The following DNER variants were observed in gnomAD, a reference collection of about 807,000 sequenced individuals.
DNER encodes delta and Notch-like epidermal growth factor-related receptor.
In DNER, 33 loss-of-function variants were observed where a neutral mutation model predicts 78.2. That is an observed-to-expected ratio of 0.42 (90% CI 0.32 to 0.56). The LOEUF is 0.56. DNER is among the 20% of genes least tolerant of loss of function. The pLI is 0.11. For synonymous variants in DNER, 417 were observed against 384.8 expected (o/e 1.08, Z -0.98); for missense variants, 918 against 975.3 (o/e 0.94, Z 0.78).
chr2:229,488,628 G>A (rs574170065), intron 6 of DNER, among the ~76,000 whole-genome samples: 14 of 152,330 alleles, frequency 9.2e-5, no homozygotes, highest in African/African-American at 2.2e-4. Flanking sequence ...CTAACCCTAC[G>A]TCCCTCTCTT....
chr2:229,447,194 T>G, intron 8 of DNER, 122 bp downstream of exon 8: 1 of 961,758 alleles, frequency 1.0e-6, no homozygotes, highest in Non-Finnish European at 1.5e-6. Context: ...CTTACAAGCA[T>G]ACCAGTAAGT....
At chr2:229,595,985 CTT>C (rs34618390) in intron 1 of DNER, among the ~76,000 whole-genome samples, 4 of 150,178 alleles carry the variant, frequency 2.7e-5, no homozygotes, top group South Asian at 2.1e-4. Context: ...TCTTTCCTTG[CTT>C]TTTTTTTTCT....
At chr2:229,479,974 A>G (rs1695121218) in intron 6 of DNER, among the ~76,000 whole-genome samples, 1 of 152,220 alleles carries the variant, frequency 6.6e-6, no homozygotes, top group South Asian at 2.1e-4. Flanking sequence ...GAAAGATGTC[A>G]GAATTGCGAC....
intron 12 of DNER, among the ~76,000 whole-genome samples, chr2:229,359,291 C>T (rs1195771245): frequency 1.3e-5 from 2 of 152,198 alleles, no homozygotes; most frequent in African/African-American, 4.8e-5. Context: ...GCCATTGTCC[C>T]AACAGATTTG....
intron 1 of DNER, among the ~76,000 whole-genome samples, chr2:229,696,783 G>A (rs1225731000): frequency 5.3e-5 from 8 of 152,126 alleles, no homozygotes; most frequent in African/African-American, 1.4e-4. Flanking sequence ...CTCAGATCAC[G>A]GCTGGAATGG....
chr2:229,397,429 T>C (rs1693170125), intron 10 of DNER, among the ~76,000 whole-genome samples: 1 of 131,976 alleles, frequency 7.6e-6, no homozygotes, highest in African/African-American at 2.8e-5. Flanking sequence ...CAAAAAATTA[T>C]AGCTAATAAC....
intron 1 of DNER, among the ~76,000 whole-genome samples, chr2:229,640,879 C>T (rs919243043): frequency 2.6e-5 from 4 of 152,116 alleles, no homozygotes; most frequent in South Asian, 2.1e-4. Context: ...CACTGAGTTG[C>T]GGTTCGGCTG....
At chr2:229,526,247 A>T (rs1462706934) in intron 5 of DNER, among the ~76,000 whole-genome samples, 1 of 152,240 alleles carries the variant, frequency 6.6e-6, no homozygotes, top group Non-Finnish European at 1.5e-5. Flanking sequence ...AATTCTGAGC[A>T]AGAAAGGAAA....
intron 6 of DNER, among the ~76,000 whole-genome samples, chr2:229,483,818 C>T (rs915416748): frequency 2.0e-5 from 3 of 152,140 alleles, no homozygotes; most frequent in African/African-American, 7.2e-5. Flanking sequence ...GCTTTTTGCC[C>T]TTGTTTATTC....
At chr2:229,457,783 A>G (rs1407432213) in intron 7 of DNER, among the ~76,000 whole-genome samples, 1 of 151,444 alleles carries the variant, frequency 6.6e-6, no homozygotes. Context: ...TTGGAAAAAA[A>G]AAAAAAGATC....
intron 11 of DNER, among the ~76,000 whole-genome samples, chr2:229,375,336 G>C (rs1340596980): frequency 3.9e-5 from 6 of 152,160 alleles, no homozygotes; most frequent in Non-Finnish European, 5.9e-5. Flanking sequence ...CTAAGGCTCA[G>C]AGACCTTGTT....
intron 10 of DNER, among the ~76,000 whole-genome samples, chr2:229,397,658 G>T (rs946148422): frequency 2.6e-5 from 4 of 152,046 alleles, no homozygotes; most frequent in Non-Finnish European, 4.4e-5. Flanking sequence ...ATTTAGGAGA[G>T]TTGAAATCGT....
intron 1 of DNER, among the ~76,000 whole-genome samples, chr2:229,642,121 T>C (rs1316048148): frequency 6.6e-6 from 1 of 152,268 alleles, no homozygotes; most frequent in African/African-American, 2.4e-5. Context: ...TTACCTTATA[T>C]TGAAATACTG....
Position 229,656,606 on chromosome 2 carries a change from T to C in DNER, c.276+57542A>G, listed in dbSNP as rs1372237224. On this transcript the variant is annotated intron_variant, in intron 1 of 12. Coordinates refer to ENST00000341772, the MANE Select transcript of DNER (RefSeq NM_139072.4). ...CTCGAACCTGTTATTCTCGGTACATTTCTTGTCAATAATTAAAATAACTCC... is the reference window on the plus strand; with the variant it reads ...CTCGAACCTGTTATTCTCGGTACATCTCTTGTCAATAATTAAAATAACTCC... Among the ~76,000 whole-genome samples, 3 of 152,206 alleles carry C rather than the reference T, an allele frequency of 2.0e-5. No homozygotes were observed. The East Asian group carries it at 5.8e-4, about 29-fold the overall frequency.
chr2:229,599,788 GAAAT>G (rs1310975003), intron 1 of DNER, among the ~76,000 whole-genome samples: 4 of 152,112 alleles, frequency 2.6e-5, no homozygotes, highest in African/African-American at 9.7e-5. Flanking sequence ...AAAGGGCAAA[GAAAT>G]AAACAAGCAA....
intron 1 of DNER, among the ~76,000 whole-genome samples, chr2:229,657,890 A>G (rs1483077935): frequency 6.6e-6 from 1 of 152,156 alleles, no homozygotes; most frequent in Non-Finnish European, 1.5e-5. Context: ...TTTCAGGGAT[A>G]CCTGCATTTC....
At chr2:229,413,321 C>A (rs13027924) in intron 9 of DNER, among the ~76,000 whole-genome samples, 1 of 67,780 alleles carries the variant, frequency 1.5e-5, no homozygotes, top group African/African-American at 4.9e-5. Flanking sequence ...TTTTCTTCTT[C>A]TTTTTTTTTT....
chr2:229,401,604 T>C (rs1693269056), intron 10 of DNER, among the ~76,000 whole-genome samples: 1 of 152,152 alleles, frequency 6.6e-6, no homozygotes, highest in South Asian at 2.1e-4. Flanking sequence ...TGATTCCATT[T>C]ATGCAATATT....
At chr2:229,598,620 A>T (rs1165958624) in intron 1 of DNER, among the ~76,000 whole-genome samples, 2 of 152,172 alleles carry the variant, frequency 1.3e-5, no homozygotes, top group African/African-American at 4.8e-5. Flanking sequence ...GCAAATAGGA[A>T]ACGAAATTAT....
Sources: allele counts gnomAD v4.1 joint callset (sites outside exome capture counted in the v4.1 genomes callset), GRCh38; gene constraint gnomAD v4.1.1; transcripts MANE v1.5; gene names NCBI Gene and HGNC (gene_info 2026-07-23, HGNC 2026-07-21).